Variants in NIBAN3 observed in about 807,000 individuals in gnomAD.
NIBAN3 encodes the protein protein Niban 3.
Under a neutral mutation model 76.4 loss-of-function variants are expected in NIBAN3, and 66 were observed. That is an observed-to-expected ratio of 0.86 (90% CI 0.71 to 1.06). The LOEUF (loss-of-function observed/expected upper bound fraction) is 1.06, where lower values mean the gene tolerates loss of function less well. Ranked by LOEUF, NIBAN3 falls within the 50% of genes least tolerant of loss-of-function variation. NIBAN3 has a pLI of 0.00. For synonymous variants in NIBAN3, 360 were observed against 355.2 expected (o/e 1.01, Z -0.15); for missense variants, 808 against 810.7 (o/e 1.00, Z 0.04).
intron 13 of NIBAN3, among the ~76,000 whole-genome samples, chr19:17,547,311 G>A (rs1049615190): frequency 1.4e-5 from 2 of 139,526 alleles, no homozygotes; most frequent in African/African-American, 5.2e-5. Flanking sequence ...ACAAGATCGC[G>A]CCACTGCACT....
Position 17,551,888 on chromosome 19 carries a change from TC to T in NIBAN3, c.1855del (p.Arg619GlyfsTer34), listed in dbSNP as rs2076163099. ...PLCPPPSPGT[F>X]RS ...TGCCCACCGCCTTCTCCAGGAACATTCCGGAGCTGAATCTTCACCCACATCT... is the reference window on the plus strand; with the variant it reads ...TGCCCACCGCCTTCTCCAGGAACATTCGGAGCTGAATCTTCACCCACATCT... On this transcript the variant is annotated frameshift_variant, in exon 15 of 15. Coordinates refer to ENST00000599164, the MANE Select transcript of NIBAN3 (RefSeq NM_001321827.2). LOFTEE classifies it high-confidence loss of function. The T allele has an allele frequency of 1.3e-6, 1 of 778,100 alleles. No individual in the cohort carries two copies. The highest frequency in any genetic ancestry group is 2.4e-6 in the Non-Finnish European group (1 of 415,888). 48.2% of individuals were successfully genotyped at this position (778,100 alleles called of 1,614,324 possible). A position where few individuals can be genotyped will look rare whatever the true frequency, so the allele number is the denominator to read the frequency against.
At chr19:17,526,374 G>A (rs2075608435), upstream of NIBAN3, among the ~76,000 whole-genome samples, 1 of 152,010 alleles carries the variant, frequency 6.6e-6, no homozygotes, top group Non-Finnish European at 1.5e-5. Flanking sequence ...CAGGTGTGGT[G>A]GCTCATGCCT....
chr19:17,526,140 C>T (rs549472742), upstream of NIBAN3, among the ~76,000 whole-genome samples: 5 of 151,966 alleles, frequency 3.3e-5, no homozygotes, highest in South Asian at 1.0e-3. Flanking sequence ...AATGAAACCC[C>T]GTCTCTACTG....
At chr19:17,539,473 G>T in intron 7 of NIBAN3, 22 bp downstream of exon 7, 1 of 1,459,898 alleles carries the variant, frequency 6.8e-7, no homozygotes. Context: ...GTCCGGATCC[G>T]GGATAGGGGG....
At position 17,552,035 on chromosome 19, in the gene NIBAN3, A is replaced by G; in HGVS notation, c.*137A>G. On this transcript the variant is annotated 3_prime_UTR_variant, in exon 15 of 15. Coordinates refer to ENST00000599164, the MANE Select transcript of NIBAN3 (RefSeq NM_001321827.2). ...AACTGTACCATTTTATACTCCAAGC[A>G]GCAGCATTTATTTGTGTATTTTCCC... 1 of 481,306 alleles carries G rather than the reference A, an allele frequency of 2.1e-6. No individual in the cohort carries two copies. The highest frequency in any genetic ancestry group is 3.8e-6 in the Non-Finnish European group (1 of 265,834). The allele number at this position is 481,306 out of a possible 1,614,324, so 29.8% of individuals were successfully genotyped here. A position where few individuals can be genotyped will look rare whatever the true frequency, so the allele number is the denominator to read the frequency against.
Position 17,528,520 on chromosome 19 carries a change from C to T in NIBAN3, c.55+1125C>T, listed in dbSNP as rs372986029. Among the ~76,000 whole-genome samples, 104 of 152,210 alleles carry T rather than the reference C, an allele frequency of 6.8e-4. 1 individual carries two copies. Among genetic ancestry groups the T allele is most frequent in the South Asian group, 1.2e-3 (6 of 4,822 alleles). ...AGGCCCTGAGGGATGTCTTCCTGAG[C>T]GGGCAGGGACCAGCAGGCCCCTCGG... On this transcript the variant is annotated intron_variant, in intron 1 of 14. Transcript: ENST00000599164.
chr19:17,541,276 A>C (rs1446061421), intron 9 of NIBAN3, among the ~76,000 whole-genome samples: 1 of 150,236 alleles, frequency 6.7e-6, no homozygotes, highest in Non-Finnish European at 1.5e-5. Flanking sequence ...CATACATAGA[A>C]TAGCACCTAC....
At position 17,530,787 on chromosome 19, in the gene NIBAN3, C is replaced by G. The variant is rs769020357; in HGVS notation, c.88C>G (p.Pro30Ala). 6.2e-7 allele frequency: 1 copy of G among 1,612,878 alleles called. No homozygotes were observed. The highest frequency in any genetic ancestry group is 1.1e-5 in the South Asian group (1 of 91,056). ...GGACACCCTGCTGAGGAACTTCCTG[C>G]CTTGCTACCGTGGGCAGCTGGCAGC... ...QVDTLLRNFL[P>A]CYRGQLAASV... Residue 30 changes from proline (P) to alanine (A), a missense_variant, in exon 2 of 15, where the codon CCT becomes GCT. Transcript: ENST00000599164.
At position 17,539,177 on chromosome 19, in the gene NIBAN3, C is replaced by A. The variant is rs773388936; in HGVS notation, c.623C>A (p.Ala208Asp). Residue 208 changes from alanine to aspartate, a missense_variant, in exon 6 of 15, where the codon GCC (alanine) becomes GAC (aspartate). Coordinates refer to ENST00000599164, the MANE Select transcript of NIBAN3 (RefSeq NM_001321827.2). ...CTGCAGCGAAGCCAGGCCCCTGCTG[C>A]CCGGGCCTTCCTGGACGCCGTCCGA... The part of the protein sequence containing the change: ...IVLQRSQAPA[A>D]RAFLDAVRLY... The A allele has an allele frequency of 9.4e-6, 15 of 1,601,304 alleles. No individual in the cohort carries two copies. The highest frequency in any genetic ancestry group is 3.4e-5 in the Admixed American group (2 of 58,540).
intron 1 of NIBAN3, among the ~76,000 whole-genome samples, chr19:17,529,918 G>T (rs987589121): frequency 1.5e-4 from 23 of 152,100 alleles, no homozygotes; most frequent in Admixed American, 6.6e-5. Flanking sequence ...AATTAGCTGG[G>T]CATGGTGGCA....
chr19:17,539,844 T>C (rs1300485779), intron 8 of NIBAN3, 79 bp downstream of exon 8: 9 of 1,046,806 alleles, frequency 8.6e-6, no homozygotes, highest in Non-Finnish European at 7.7e-6. Flanking sequence ...AAGCGAAGAA[T>C]GGGCTTGAAG....
intron 4 of NIBAN3, among the ~76,000 whole-genome samples, chr19:17,534,412 A>G (rs2075786868): frequency 6.6e-6 from 1 of 152,084 alleles, no homozygotes; most frequent in Non-Finnish European, 1.5e-5. Flanking sequence ...ACTTTGGGGG[A>G]CCAAGGCAGG....
chr19:17,550,796 G>T (rs1023502815), intron 14 of NIBAN3, among the ~76,000 whole-genome samples: 4 of 145,878 alleles, frequency 2.7e-5, no homozygotes, highest in Non-Finnish European at 6.0e-5. Context: ...TTGGTTTCTA[G>T]TCTTCCATAC....
chr19:17,531,413 T>C (rs2075722554), intron 2 of NIBAN3, among the ~76,000 whole-genome samples: 1 of 151,778 alleles, frequency 6.6e-6, no homozygotes, highest in Non-Finnish European at 1.5e-5. Context: ...CATCATGGGC[T>C]GGGCATGAGG....
At chr19:17,541,448 C>G (rs2075950733) in intron 9 of NIBAN3, among the ~76,000 whole-genome samples, 1 of 152,048 alleles carries the variant, frequency 6.6e-6, no homozygotes, top group Admixed American at 6.6e-5. Context: ...TCTGTCTCCC[C>G]TAATTTGTAA....
Position 17,537,392 on chromosome 19 carries a change from A to G in NIBAN3, c.444A>G (p.Glu148=), listed in dbSNP as rs765726250. 8 of 1,613,722 alleles carry G rather than the reference A, an allele frequency of 5.0e-6. No homozygotes were observed. In the South Asian group the frequency reaches 5.5e-5, roughly 11 times the overall value. ...CPESLGDHTQ[E]EPDSLLEVPV... ...TGTTTTCAGGAGACCATACTCAGGA[A>G]GAGCCTGACTCCCTCTTGGAAGTGC... Residue 148 remains glutamate, a synonymous_variant, in exon 5 of 15, where the codon GAA becomes GAG. Transcript: ENST00000599164.
rs778210954 is a variant in NIBAN3 at position 17,537,413 on chromosome 19, A to T, written c.465A>T (p.Glu155Asp). The T allele has an allele frequency of 4.0e-5, 64 of 1,613,988 alleles. No homozygotes were observed. Among genetic ancestry groups the T allele is most frequent in the Middle Eastern group, 1.6e-4 (1 of 6,080 alleles). The change falls in exon 5 of 15, where the codon GAA (glutamate) becomes GAT (aspartate). Residue 155 changes from glutamate (E) to aspartate (D), a missense_variant. Coordinates refer to ENST00000599164, the MANE Select transcript of NIBAN3 (RefSeq NM_001321827.2). ...HTQEEPDSLL[E>D]VPVSFPLFLQ... The stretch of plus-strand genomic sequence containing the variant: ...AGGAAGAGCCTGACTCCCTCTTGGA[A>T]GTGCCTGTGAGCTTCCCGCTGTTCC...
At chr19:17,531,470 C>G (rs1403292359) in intron 2 of NIBAN3, among the ~76,000 whole-genome samples, 3 of 152,114 alleles carry the variant, frequency 2.0e-5, no homozygotes, top group African/African-American at 7.2e-5. Context: ...GCGGTAACCT[C>G]TGGGGTTCAC....
chr19:17,527,582 T>A (rs950311003), intron 1 of NIBAN3, among the ~76,000 whole-genome samples, 187 bp downstream of exon 1: 5 of 152,160 alleles, frequency 3.3e-5, no homozygotes, highest in Non-Finnish European at 5.9e-5. Flanking sequence ...GGATCTTGTC[T>A]GTTGCCCAAG....
Sources: allele counts gnomAD v4.1 joint callset (sites outside exome capture counted in the v4.1 genomes callset), GRCh38; gene constraint gnomAD v4.1.1; transcripts MANE v1.5; gene names NCBI Gene and HGNC (gene_info 2026-07-23, HGNC 2026-07-21).